The following NEMP2 variants were observed in gnomAD, a reference collection of about 807,000 sequenced individuals.
NEMP2 encodes UPF0571 transmembrane protein.
A neutral mutation model predicts 54.2 loss-of-function variants in NEMP2; 53 were observed. The observed-to-expected ratio is 0.98, with a 90% CI of 0.78 to 1.23. The LOEUF (loss-of-function observed/expected upper bound fraction) is 1.23. Ranked by LOEUF, NEMP2 falls within the 50% of genes most tolerant of loss-of-function variation. The pLI is 0.00. For missense variants in NEMP2, 455 were observed against 511.3 expected (o/e 0.89, Z 1.06); for synonymous variants, 197 against 190.3 (o/e 1.04, Z -0.29).
the NEMP2 span, among the ~76,000 whole-genome samples, chr2:190,590,450 T>C: frequency 6.6e-6 from 1 of 152,220 alleles, no homozygotes; most frequent in Non-Finnish European, 1.5e-5. This position sits in a 1 kb window ranked among gnomAD's most constrained non-coding sequence, Gnocchi z 5.1. Context: ...GAACCTTCCA[T>C]GCTCGTCAAC....
At chr2:190,639,974 A>G in the NEMP2 span, among the ~76,000 whole-genome samples, 1 of 152,156 alleles carries the variant, frequency 6.6e-6, no homozygotes, top group African/African-American at 2.4e-5. Flanking sequence ...GAAAAAAAGC[A>G]TAAAGAAGAA....
chr2:190,544,901 A>C, the NEMP2 span, among the ~76,000 whole-genome samples: 1 of 145,608 alleles, frequency 6.9e-6, no homozygotes, highest in East Asian at 2.0e-4. Context: ...TAGCCTAGTC[A>C]CCATAGTGAG....
chr2:190,530,934 C>A lies in NEMP2; in HGVS notation c.97+3625G>T. Among the ~76,000 whole-genome samples, 1 of 152,170 alleles carries A rather than the reference C, an allele frequency of 6.6e-6. No homozygotes were observed. Among genetic ancestry groups the A allele is most frequent in the Non-Finnish European group, 1.5e-5 (1 of 68,018 alleles). On this transcript the variant is annotated intron_variant, in intron 1 of 8. Coordinates refer to ENST00000409150, the MANE Select transcript of NEMP2 (RefSeq NM_001142645.2). The surrounding 1 kb of genome is among the most constrained non-coding windows in gnomAD (Gnocchi z 4.6). ...ATCCCAGCACTTTGGGAGGCCAAGG[C>A]AGGTGGATCCCTTAAGGCCAGGAAT...
the NEMP2 span, among the ~76,000 whole-genome samples, chr2:190,470,220 T>C: frequency 6.6e-6 from 1 of 152,262 alleles, no homozygotes; most frequent in Non-Finnish European, 1.5e-5. Flanking sequence ...GTAGGTTAAC[T>C]ATAGTTACTG....
chr2:190,485,803 TAA>T, the NEMP2 span, among the ~76,000 whole-genome samples: 284 of 144,514 alleles, frequency 2.0e-3, 2 homozygotes, highest in Admixed American at 0.015. This position sits in a 1 kb window ranked among gnomAD's most constrained non-coding sequence, Gnocchi z 5.1. Context: ...TCTTACTAGT[TAA>T]AAAAAAAAAA....
chr2:190,476,733 T>A, the NEMP2 span, among the ~76,000 whole-genome samples: 1 of 152,164 alleles, frequency 6.6e-6, no homozygotes, highest in Non-Finnish European at 1.5e-5. Context: ...TAAATCATGC[T>A]GCTATAAAGA....
chr2:190,584,936 AAAG>A, the NEMP2 span, among the ~76,000 whole-genome samples: 1 of 150,366 alleles, frequency 6.7e-6, no homozygotes, highest in South Asian at 2.1e-4. The surrounding 1 kb of genome is among the most constrained non-coding windows in gnomAD (Gnocchi z 4.2). Flanking sequence ...AGAAAGAAAG[AAAG>A]AAAGAAAGAA....
In NEMP2 at chr2:190,509,178, A is replaced by G; in HGVS notation, c.*11T>C. 6.4e-7 allele frequency: 1 copy of G among 1,551,474 alleles called. No individual in the cohort carries two copies. Among genetic ancestry groups the G allele is most frequent in the Non-Finnish European group, 8.7e-7 (1 of 1,146,930 alleles). ...CCTTGTCCAGAATGAAGTCAACTTGAAGGTCGCATGTCAGGCAGTACTCGG... is the reference window on the plus strand; with the variant it reads ...CCTTGTCCAGAATGAAGTCAACTTGGAGGTCGCATGTCAGGCAGTACTCGG... On this transcript the variant is annotated 3_prime_UTR_variant, in exon 9 of 9. Transcript: ENST00000409150. The surrounding 1 kb of genome is among the most constrained non-coding windows in gnomAD (Gnocchi z 6.1).
chr2:190,520,700 T>C lies in NEMP2; in HGVS notation c.214-1517A>G, dbSNP rs1475384181. Among the ~76,000 whole-genome samples the C allele has an allele frequency of 6.6e-6, 1 of 152,126 alleles. No individual in the cohort carries two copies. The highest frequency in any genetic ancestry group is 1.5e-5 in the Non-Finnish European group (1 of 68,032). On this transcript the variant is annotated intron_variant, in intron 2 of 8. Coordinates refer to ENST00000409150, the MANE Select transcript of NEMP2 (RefSeq NM_001142645.2). This position sits in a 1 kb window ranked among gnomAD's most constrained non-coding sequence, Gnocchi z 5.4. Reference sequence around the variant, plus strand: ...CTCCTTTCCTCTTATGCTCTTGTCCTCCCTACCTCAGCTCATCACTCCATG... The same window carrying C: ...CTCCTTTCCTCTTATGCTCTTGTCCCCCCTACCTCAGCTCATCACTCCATG...
chr2:190,636,053 C>A, the NEMP2 span, among the ~76,000 whole-genome samples: 4 of 152,114 alleles, frequency 2.6e-5, no homozygotes, highest in African/African-American at 4.8e-5. Context: ...TTTGTAGAGA[C>A]GGGATCTCAT....
At chr2:190,538,097 G>A (rs181199436), upstream of NEMP2, among the ~76,000 whole-genome samples, 121 of 151,948 alleles carry the variant, frequency 8.0e-4, no homozygotes, top group African/African-American at 2.9e-3. This position sits in a 1 kb window ranked among gnomAD's most constrained non-coding sequence, Gnocchi z 4.1. Context: ...ACTAAAACAG[G>A]GAAAAAAAGG....
In NEMP2 at chr2:190,534,665, G is replaced by T. The variant is rs1219720446; in HGVS notation, c.-10C>A. ...CTTGGCGCGGCCCCATTTCGTTAGG[G>T]GTCAGCTCCGTGCGACCCGAGCCCT... On this transcript the variant is annotated 5_prime_UTR_variant, in exon 1 of 9. Coordinates refer to ENST00000409150, the MANE Select transcript of NEMP2 (RefSeq NM_001142645.2). The T allele has an allele frequency of 2.4e-6, 3 of 1,274,472 alleles. No homozygotes were observed. Among genetic ancestry groups the T allele is most frequent in the Middle Eastern group, 2.4e-4 (1 of 4,088 alleles). The allele number at this position is 1,274,472 out of a possible 1,614,324, so 78.9% of individuals were successfully genotyped here. A position where few individuals can be genotyped will look rare whatever the true frequency, so the allele number is the denominator to read the frequency against.
the NEMP2 span, among the ~76,000 whole-genome samples, chr2:190,464,078 T>C: frequency 6.6e-6 from 1 of 152,156 alleles, no homozygotes; most frequent in Admixed American, 6.5e-5. Context: ...TTTTTGAATC[T>C]TGGTTTGTTG....
At chr2:190,561,791 C>T in the NEMP2 span, among the ~76,000 whole-genome samples, 1 of 152,100 alleles carries the variant, frequency 6.6e-6, no homozygotes, top group East Asian at 1.9e-4. This position sits in a 1 kb window ranked among gnomAD's most constrained non-coding sequence, Gnocchi z 5.4. Flanking sequence ...ACCAGTACTG[C>T]AATTAATGTC....
chr2:190,575,663 C>T, the NEMP2 span, among the ~76,000 whole-genome samples: 2 of 152,094 alleles, frequency 1.3e-5, no homozygotes, highest in East Asian at 1.9e-4. Flanking sequence ...AAGACCAGCC[C>T]GGCCAACATG....
At chr2:190,462,595 C>G in the NEMP2 span, among the ~76,000 whole-genome samples, 1 of 152,098 alleles carries the variant, frequency 6.6e-6, no homozygotes, top group Non-Finnish European at 1.5e-5. This position sits in a 1 kb window ranked among gnomAD's most constrained non-coding sequence, Gnocchi z 5.7. Context: ...CTTCAGTGTG[C>G]AACAGACTGT....
chr2:190,524,250 T>C (rs1386075627), intron 2 of NEMP2, among the ~76,000 whole-genome samples: 1 of 151,956 alleles, frequency 6.6e-6, no homozygotes, highest in East Asian at 1.9e-4. Context: ...AAAATCAACA[T>C]TTGATAAATA....
the NEMP2 span, chr2:190,477,399 A>G: frequency 1.0e-6 from 1 of 953,080 alleles, no homozygotes. Context: ...CAGAAAAGAA[A>G]TGACTATATA....
At chr2:190,576,330 G>A in the NEMP2 span, among the ~76,000 whole-genome samples, 1 of 152,086 alleles carries the variant, frequency 6.6e-6, no homozygotes, top group Non-Finnish European at 1.5e-5. Context: ...GAATCAGGTT[G>A]TATTTGTTAC....
Sources: allele counts gnomAD v4.1 joint callset (sites outside exome capture counted in the v4.1 genomes callset), GRCh38; gene constraint gnomAD v4.1.1; non-coding constraint Gnocchi (gnomAD v3.1); transcripts MANE v1.5; gene names NCBI Gene and HGNC (gene_info 2026-07-23, HGNC 2026-07-21).